Variants in RSPO2 observed in about 807,000 individuals in gnomAD.
RSPO2 encodes the protein R-spondin-2.
A neutral mutation model predicts 30.9 loss-of-function variants in RSPO2; 14 were observed. The ratio of observed to expected loss-of-function variants is 0.45; its 90% confidence interval spans 0.30 to 0.71. The LOEUF (loss-of-function observed/expected upper bound fraction) is 0.71, where lower values mean the gene tolerates loss of function less well. Ranked by LOEUF, RSPO2 falls within the 30% of genes least tolerant of loss-of-function variation. RSPO2 has a pLI of 0.08. For synonymous variants in RSPO2, 107 were observed against 96.4 expected, an observed-to-expected ratio of 1.11 and a Z score of -0.64; for missense variants, 264 against 301.9, an observed-to-expected ratio of 0.87 and a Z score of 0.93.
At chr8:108,067,430 C>T (rs895789222) in intron 2 of RSPO2, among the ~76,000 whole-genome samples, 3 of 152,080 alleles carry the variant, frequency 2.0e-5, no homozygotes, top group African/African-American at 7.2e-5. Context: ...ATTTTCTTTA[C>T]AACATTTCAG....
chr8:108,030,944 G>A (rs962989274), intron 2 of RSPO2, among the ~76,000 whole-genome samples: 4 of 152,062 alleles, frequency 2.6e-5, no homozygotes, highest in Admixed American at 2.6e-4. Flanking sequence ...CGAGGTCCCT[G>A]AAAAAAATGG....
rs186363404 is a variant in RSPO2, at chr8:108,065,870, T to C, written c.94+16675A>G. 6.7e-3 allele frequency among the ~76,000 whole-genome samples: 1,014 copies of C among 152,086 alleles called. 17 individuals are homozygous for C. The highest frequency in any genetic ancestry group is 0.024 in the African/African-American group (980 of 41,480). ...CTGGCCAACATGGTGAAACCCCATC[T>C]CTACTAAAAATACAAAAATTAGCTG... On this transcript the variant is annotated intron_variant, in intron 2 of 5. Coordinates refer to ENST00000276659, the MANE Select transcript of RSPO2 (RefSeq NM_178565.5).
chr8:107,957,103 T>C (rs951916934), intron 5 of RSPO2, among the ~76,000 whole-genome samples: 29 of 152,186 alleles, frequency 1.9e-4, no homozygotes, highest in South Asian at 8.3e-4. Context: ...CCATGGATCA[T>C]AGACATTCTC....
At chr8:107,984,980 A>C (rs1020845673) in intron 3 of RSPO2, among the ~76,000 whole-genome samples, 2 of 152,188 alleles carry the variant, frequency 1.3e-5, no homozygotes, top group African/African-American at 4.8e-5. Flanking sequence ...AGAATTCTGC[A>C]TGATACTTCA....
chr8:107,924,218 A>T (rs1812281843), intron 5 of RSPO2, among the ~76,000 whole-genome samples: 1 of 152,084 alleles, frequency 6.6e-6, no homozygotes, highest in Non-Finnish European at 1.5e-5. Flanking sequence ...AAAGTAGGAA[A>T]TCGGCCACAG....
chr8:108,057,033 G>C (rs1283855312), intron 2 of RSPO2, among the ~76,000 whole-genome samples: 1 of 101,258 alleles, frequency 9.9e-6, no homozygotes, highest in African/African-American at 3.9e-5. Context: ...CTCCAGCCTG[G>C]CAACAGAGTG....
intron 5 of RSPO2, among the ~76,000 whole-genome samples, chr8:107,924,865 G>A (rs1309477543): frequency 6.6e-6 from 1 of 151,018 alleles, no homozygotes; most frequent in African/African-American, 2.4e-5. Context: ...AAGTTCTCAA[G>A]TAGATTTATG....
At chr8:107,973,136 G>T (rs1563545323) in intron 3 of RSPO2, among the ~76,000 whole-genome samples, 1 of 152,030 alleles carries the variant, frequency 6.6e-6, no homozygotes, top group Non-Finnish European at 1.5e-5. Flanking sequence ...TGGGCATGGT[G>T]GCAGGCACCT....
chr8:108,050,191 A>T (rs1372677463), intron 2 of RSPO2, among the ~76,000 whole-genome samples: 1 of 152,110 alleles, frequency 6.6e-6, no homozygotes, highest in East Asian at 1.9e-4. Context: ...TGTTTCTAAG[A>T]TCTATTTGTT....
At chr8:108,018,567 G>GA (rs1563565989) in intron 2 of RSPO2, among the ~76,000 whole-genome samples, 1 of 152,124 alleles carries the variant, frequency 6.6e-6, no homozygotes, top group Non-Finnish European at 1.5e-5. Flanking sequence ...TCCAGACTTA[G>GA]AAAAAATACA....
chr8:108,056,367 C>G (rs1309257558), intron 2 of RSPO2, among the ~76,000 whole-genome samples: 2 of 151,902 alleles, frequency 1.3e-5, no homozygotes, highest in Non-Finnish European at 1.5e-5. Flanking sequence ...ACCTGTAATC[C>G]CAGCACTTTG....
intron 2 of RSPO2, among the ~76,000 whole-genome samples, chr8:108,006,327 A>G (rs1586621614): frequency 1.3e-5 from 2 of 151,966 alleles, no homozygotes; most frequent in East Asian, 3.9e-4. Flanking sequence ...ATATCAAAAG[A>G]AATGTGAAGG....
intron 5 of RSPO2, among the ~76,000 whole-genome samples, chr8:107,944,560 A>G (rs145427590): frequency 6.6e-5 from 10 of 152,306 alleles, no homozygotes; most frequent in African/African-American, 1.7e-4. Context: ...CTTCTATACC[A>G]TAACACAAAA....
At chr8:108,056,155 C>T (rs990224385) in intron 2 of RSPO2, among the ~76,000 whole-genome samples, 1 of 152,188 alleles carries the variant, frequency 6.6e-6, no homozygotes, top group African/African-American at 2.4e-5. Context: ...ACTACAGTCT[C>T]ACCACTGAAA....
chr8:107,961,460 C>T (rs1813624683), intron 3 of RSPO2, among the ~76,000 whole-genome samples: 2 of 152,142 alleles, frequency 1.3e-5, no homozygotes, highest in Non-Finnish European at 2.9e-5. Context: ...AAATAAGAAA[C>T]CTGGGACTAA....
chr8:108,011,222 G>A (rs1383988277), intron 2 of RSPO2, among the ~76,000 whole-genome samples: 1 of 150,474 alleles, frequency 6.6e-6, no homozygotes, highest in African/African-American at 2.5e-5. Flanking sequence ...AAAGGAAAAG[G>A]AAAAGGGAAA....
intron 5 of RSPO2, among the ~76,000 whole-genome samples, chr8:107,937,502 TA>T (rs34229784): frequency 0.54 from 82,118 of 151,604 alleles, 24,067 homozygotes; most frequent in East Asian, 0.7. Context: ...ACATAGTTAT[TA>T]AGTGGTAGTC....
chr8:108,017,769 G>A (rs1223515558), intron 2 of RSPO2, among the ~76,000 whole-genome samples: 2 of 152,218 alleles, frequency 1.3e-5, no homozygotes, highest in East Asian at 1.9e-4. Context: ...AGTAATGAAC[G>A]ATTTGTCAAT....
intron 2 of RSPO2, among the ~76,000 whole-genome samples, chr8:108,040,502 G>T (rs931191610): frequency 2.8e-4 from 43 of 152,128 alleles, no homozygotes; most frequent in African/African-American, 9.9e-4. Context: ...AATGCCCAGA[G>T]TAAATCCCCG....
Sources: gnomAD v4.1 joint callset for allele counts (sites outside exome capture counted in the v4.1 genomes callset) on GRCh38, gnomAD v4.1.1 for gene constraint, MANE v1.5 for transcripts, NCBI Gene and HGNC (gene_info 2026-07-23, HGNC 2026-07-21) for gene names.